CRPPA: variants seen among roughly 807,000 people sequenced by gnomAD.
The protein encoded by CRPPA is CDP-L-ribitol pyrophosphorylase A.
CRPPA carries 43 observed loss-of-function variants against 52.0 expected under a neutral mutation model. The ratio of observed to expected loss-of-function variants is 0.83; its 90% confidence interval spans 0.65 to 1.07. The LOEUF is 1.07. Among genes scored for constraint, CRPPA ranks in the 50% least tolerant of loss-of-function variants. The pLI is 0.00. For missense variants in CRPPA, 629 were observed against 551.7 expected, an observed-to-expected ratio of 1.14 and a Z score of -1.40; for synonymous variants, 250 against 203.5, an observed-to-expected ratio of 1.23 and a Z score of -1.94.
intron 3 of CRPPA, among the ~76,000 whole-genome samples, chr7:16,351,687 G>T (rs1475717394): frequency 6.6e-6 from 1 of 152,144 alleles, no homozygotes; most frequent in Non-Finnish European, 1.5e-5. Flanking sequence ...GGTCATTAGA[G>T]AAATACAAAT....
chr7:16,406,239 A>T lies in CRPPA; in HGVS notation c.356T>A (p.Leu119Gln), dbSNP rs1356080750. The T allele has an allele frequency of 3.7e-6, 6 of 1,613,996 alleles. No individual in the cohort carries two copies. Among genetic ancestry groups the T allele is most frequent in the Non-Finnish European group, 5.1e-6 (6 of 1,179,878 alleles). ...GTGGCGGGTCACTCCAGCTTCGACC[A>T]GTGAGATGCGTTTATGCTGATACTT... is the stretch of plus-strand genomic sequence containing the variant. The part of the protein sequence containing the change: ...IQKYQHKRIS[L>Q]VEAGVTRHRS... Residue 119 changes from leucine to glutamine, a missense_variant, in exon 2 of 10, where the codon CTG becomes CAG. Physicochemically the swap from Leu to Gln is moderately radical, Grantham distance 113. Transcript: ENST00000407010.
chr7:16,300,605 G>C (rs539144397), intron 5 of CRPPA, among the ~76,000 whole-genome samples: 1 of 152,146 alleles, frequency 6.6e-6, no homozygotes, highest in Non-Finnish European at 1.5e-5. Context: ...CCAGGGGAAG[G>C]GGAGTGAGGG....
chr7:16,389,928 A>AATATATATATATATATATATAT (rs1202579530), intron 2 of CRPPA, among the ~76,000 whole-genome samples: 1 of 29,768 alleles, frequency 3.4e-5, no homozygotes, highest in Non-Finnish European at 5.3e-5. Context: ...AAAAAAAAAA[A>AATATATATATATATATATATAT]ATATATATAT....
intron 9 of CRPPA, among the ~76,000 whole-genome samples, chr7:16,101,458 T>C (rs1043470359): frequency 2.0e-5 from 3 of 152,232 alleles, no homozygotes; most frequent in African/African-American, 7.2e-5. Context: ...TAGTATTCTC[T>C]GATGGTACTT....
chr7:16,110,903 A>G lies in CRPPA; in HGVS notation c.1252-19104T>C, dbSNP rs115573590. 6.8e-3 allele frequency among the ~76,000 whole-genome samples: 1,039 copies of G among 152,290 alleles called. 13 individuals carry two copies. Among genetic ancestry groups the G allele is most frequent in the African/African-American group, 0.024 (994 of 41,572 alleles). Reference sequence around the variant, plus strand: ...GCAATGATTTCTCAGATTGGACTACATAAGTACAGGAAACAAAAGCGAAAG... The same window carrying G: ...GCAATGATTTCTCAGATTGGACTACGTAAGTACAGGAAACAAAAGCGAAAG... On this transcript the variant is annotated intron_variant, in intron 9 of 9. Coordinates refer to ENST00000407010, the MANE Select transcript of CRPPA (RefSeq NM_001101426.4).
intron 6 of CRPPA, 36 bp from the exon 7 acceptor site, chr7:16,259,048 G>C: frequency 7.1e-7 from 1 of 1,403,674 alleles, no homozygotes; most frequent in South Asian, 1.2e-5. Flanking sequence ...TCACAAATTA[G>C]ATAGACCAAA....
At chr7:16,101,180 G>A (rs1357920177) in intron 9 of CRPPA, among the ~76,000 whole-genome samples, 1 of 152,096 alleles carries the variant, frequency 6.6e-6, no homozygotes, top group African/African-American at 2.4e-5. Flanking sequence ...AATCAGTTAG[G>A]GAGGAATCTC....
intron 5 of CRPPA, among the ~76,000 whole-genome samples, chr7:16,294,136 T>G (rs1562613737): frequency 6.6e-6 from 1 of 151,902 alleles, no homozygotes; most frequent in African/African-American, 2.4e-5. Context: ...GAGAGAAAAG[T>G]TAGAAGGAAA....
At chr7:16,344,437 A>C (rs1785952717) in intron 3 of CRPPA, among the ~76,000 whole-genome samples, 1 of 148,798 alleles carries the variant, frequency 6.7e-6, no homozygotes, top group Non-Finnish European at 1.5e-5. Context: ...TTAGCTATGT[A>C]TGGTGGCATG....
At chr7:16,334,653 C>T (rs982984076) in intron 3 of CRPPA, among the ~76,000 whole-genome samples, 24 of 152,118 alleles carry the variant, frequency 1.6e-4, no homozygotes, top group African/African-American at 5.8e-4. Flanking sequence ...GATTGCAGAA[C>T]TCAGGTGACA....
At chr7:16,325,353 T>G (rs1562632017) in intron 3 of CRPPA, among the ~76,000 whole-genome samples, 1 of 152,196 alleles carries the variant, frequency 6.6e-6, no homozygotes, top group Non-Finnish European at 1.5e-5. Flanking sequence ...AGATTTGTCA[T>G]AAGGAAGGAA....
chr7:16,339,551 T>G (rs962959484), intron 3 of CRPPA, among the ~76,000 whole-genome samples: 1 of 152,306 alleles, frequency 6.6e-6, no homozygotes, highest in African/African-American at 2.4e-5. Context: ...TTTTTCAACT[T>G]TGTAAAGAAC....
intron 1 of CRPPA, among the ~76,000 whole-genome samples, chr7:16,414,906 A>G (rs1007650073): frequency 3.3e-5 from 5 of 152,192 alleles, no homozygotes; most frequent in African/African-American, 4.8e-5. Flanking sequence ...ATTCTTTAAG[A>G]TTGGAGTATA....
At chr7:16,382,812 G>A (rs968777489) in intron 2 of CRPPA, among the ~76,000 whole-genome samples, 7 of 152,070 alleles carry the variant, frequency 4.6e-5, no homozygotes, top group Middle Eastern at 3.4e-3. Context: ...CATACTTCAC[G>A]TAGTTCTCGA....
Position 16,216,133 on chromosome 7 carries a change from C to A in CRPPA, c.1184G>T (p.Arg395Ile), listed in dbSNP as rs767723008. The change falls in exon 9 of 10, where the codon AGA becomes ATA. Residue 395 changes from arginine to isoleucine, a missense_variant. By Grantham distance (97) the Arg-to-Ile change is moderately conservative. Coordinates refer to ENST00000407010, the MANE Select transcript of CRPPA (RefSeq NM_001101426.4). ...TTCTTTTACTTCCTTTGCAAATTCT[C>A]TAATCTGCATTAGGTTTTCCATTTT... is the stretch of plus-strand genomic sequence containing the variant. ...SQKMENLMQI[R>I]EFAKEVKERN... The A allele has an allele frequency of 1.9e-6, 3 of 1,592,040 alleles. No homozygotes were observed. Among genetic ancestry groups the A allele is most frequent in the Non-Finnish European group, 1.7e-6 (2 of 1,162,218 alleles).
intron 9 of CRPPA, among the ~76,000 whole-genome samples, chr7:16,107,706 A>G (rs1782185265): frequency 6.6e-6 from 1 of 152,122 alleles, no homozygotes; most frequent in South Asian, 2.1e-4. Flanking sequence ...TAAAACAGTC[A>G]TATTCAGAAT....
In CRPPA at chr7:16,342,458, C is replaced by T. The variant is rs1471923485; in HGVS notation, c.684+33634G>A. Among the ~76,000 whole-genome samples the T allele has an allele frequency of 9.2e-5, 14 of 151,696 alleles. 1 individual carries two copies. Among genetic ancestry groups the T allele is most frequent in the Non-Finnish European group, 2.1e-4 (14 of 67,948 alleles). ...CTTATATTTTAGGAAAAGGTATTCC[C>T]AACTAAAGGAAAGAGACATTTAAAA... On this transcript the variant is annotated intron_variant, in intron 3 of 9. Transcript: ENST00000407010.
intron 3 of CRPPA, among the ~76,000 whole-genome samples, chr7:16,339,919 T>G (rs1450807788): frequency 4.6e-5 from 7 of 151,414 alleles, no homozygotes; most frequent in Non-Finnish European, 1.0e-4. Context: ...AAAAAGTAGG[T>G]CAAAGGAAAG....
chr7:16,221,335 A>C, intron 8 of CRPPA, among the ~76,000 whole-genome samples: 1 of 151,738 alleles, frequency 6.6e-6, no homozygotes, highest in East Asian at 1.9e-4. Context: ...CTAAAACCAT[A>C]AAAACCCTAG....
Sources: allele counts gnomAD v4.1 joint callset (sites outside exome capture counted in the v4.1 genomes callset), GRCh38; gene constraint gnomAD v4.1.1; transcripts MANE v1.5; gene names NCBI Gene and HGNC (gene_info 2026-07-23, HGNC 2026-07-21).